Variants in ARHGAP22 observed in about 807,000 individuals in gnomAD.
ARHGAP22 encodes the protein rho GTPase-activating protein 22.
ARHGAP22 carries 48 observed loss-of-function variants against 59.1 expected under a neutral mutation model. The observed-to-expected ratio is 0.81, with a 90% confidence interval of 0.64 to 1.03. The LOEUF (loss-of-function observed/expected upper bound fraction) is 1.03. Among genes scored for constraint, ARHGAP22 ranks in the 50% least tolerant of loss-of-function variants. ARHGAP22 has a pLI of 0.00. For missense variants in ARHGAP22, 1,015 were observed against 958.7 expected, an observed-to-expected ratio of 1.06 and a Z score of -0.78; for synonymous variants, 445 against 416.4, an observed-to-expected ratio of 1.07 and a Z score of -0.84.
intron 3 of ARHGAP22, among the ~76,000 whole-genome samples, chr10:48,480,299 T>C (rs905143121): frequency 6.6e-6 from 1 of 152,172 alleles, no homozygotes; most frequent in Non-Finnish European, 1.5e-5. Context: ...CACACCCATC[T>C]CACGGCTAGA....
chr10:48,453,483 G>A (rs2046189041), intron 7 of ARHGAP22, 58 bp from the exon 8 acceptor site: 1 of 1,607,226 alleles, frequency 6.2e-7, no homozygotes, highest in Non-Finnish European at 8.5e-7. Flanking sequence ...CCAGTCTCCT[G>A]TGTGCGGCCT....
At chr10:48,585,575 C>T (rs898258731) in intron 1 of ARHGAP22, among the ~76,000 whole-genome samples, 1 of 152,202 alleles carries the variant, frequency 6.6e-6, no homozygotes, top group African/African-American at 2.4e-5. Context: ...GGGTTGTCCC[C>T]TCCAGACAGG....
intron 4 of ARHGAP22, among the ~76,000 whole-genome samples, chr10:48,478,383 A>G (rs2048943651): frequency 6.6e-6 from 1 of 152,220 alleles, no homozygotes; most frequent in Admixed American, 6.5e-5. Flanking sequence ...TCATTCAATG[A>G]AAGGTGGTCA....
At chr10:48,555,700 C>T (rs2057260505) in intron 2 of ARHGAP22, 150 bp from the exon 3 acceptor site, 1 of 685,562 alleles carries the variant, frequency 1.5e-6, no homozygotes, top group Admixed American at 2.3e-5. Context: ...CACACACCTC[C>T]TCTCCTAGGG....
In ARHGAP22 at chr10:48,446,300, G is replaced by A. The variant is rs985895168; in HGVS notation, c.*91C>T. The A allele has an allele frequency of 2.1e-6, 3 of 1,418,652 alleles. No homozygotes were observed. The highest frequency in any genetic ancestry group is 1.4e-5 in the African/African-American group (1 of 69,614). The allele number at this position is 1,418,652 out of a possible 1,614,324, so 87.9% of individuals were successfully genotyped here. A position where few individuals can be genotyped will look rare whatever the true frequency, so the allele number is the denominator to read the frequency against. On this transcript the variant is annotated 3_prime_UTR_variant, in exon 10 of 10. Coordinates refer to ENST00000249601, the MANE Select transcript of ARHGAP22 (RefSeq NM_021226.4). ...CTCTCTCTCCAGCTGGCTCCAGAGC[G>A]CCTGGCTGCTCCAGAGATACAGACG... is the stretch of plus-strand genomic sequence containing the variant.
rs182397836 is a variant in ARHGAP22, at chr10:48,599,565, G to C, written c.34+5198C>G. ...GAAATATGGGAGTTGAAGTAAAATA[G>C]CAGCCAAATCTGGGATTCCTCAACA... is the stretch of plus-strand genomic sequence containing the variant. On this transcript the variant is annotated intron_variant, in intron 1 of 9. Transcript: ENST00000249601. Among the ~76,000 whole-genome samples, 15 of 152,332 alleles carry C rather than the reference G, an allele frequency of 9.8e-5. No individual in the cohort carries two copies. In the East Asian group the frequency reaches 2.9e-3, roughly 29 times the overall value.
upstream of ARHGAP22, chr10:48,655,489 C>G (rs1565071642): frequency 6.5e-6 from 1 of 152,694 alleles, no homozygotes; most frequent in Admixed American, 6.5e-5. Context: ...CACCCCAGCC[C>G]TCGCCTTTCC....
At chr10:48,594,832 T>G (rs1240654166) in intron 1 of ARHGAP22, among the ~76,000 whole-genome samples, 1 of 152,128 alleles carries the variant, frequency 6.6e-6, no homozygotes, top group Non-Finnish European at 1.5e-5. Flanking sequence ...CCTTTCCTGT[T>G]ACATCTGAAA....
intron 1 of ARHGAP22, among the ~76,000 whole-genome samples, chr10:48,629,279 T>C (rs1300557152): frequency 6.6e-6 from 1 of 152,246 alleles, no homozygotes; most frequent in African/African-American, 2.4e-5. Flanking sequence ...TGGAGTCTAC[T>C]GAGGCTGCTG....
chr10:48,576,340 C>T (rs925930209), intron 2 of ARHGAP22, among the ~76,000 whole-genome samples: 1 of 152,254 alleles, frequency 6.6e-6, no homozygotes, highest in Non-Finnish European at 1.5e-5. Flanking sequence ...CCATTCTCCT[C>T]CTGGTCATCC....
chr10:48,568,491 G>A (rs2058190876), intron 2 of ARHGAP22, among the ~76,000 whole-genome samples: 1 of 152,234 alleles, frequency 6.6e-6, no homozygotes, highest in South Asian at 2.1e-4. Flanking sequence ...GCTGCCCACG[G>A]CATTTGGTGG....
chr10:48,655,150 C>G (rs1002986759), upstream of ARHGAP22, among the ~76,000 whole-genome samples: 1 of 72,202 alleles, frequency 1.4e-5, no homozygotes, highest in Non-Finnish European at 2.8e-5. Context: ...CAATCTCCTT[C>G]CTGTCTCAGG....
At chr10:48,455,625 A>G (rs2046416066) in intron 5 of ARHGAP22, among the ~76,000 whole-genome samples, 1 of 152,222 alleles carries the variant, frequency 6.6e-6, no homozygotes, top group Non-Finnish European at 1.5e-5. Context: ...CCTGGTGGCC[A>G]TCCCAAGGTC....
chr10:48,625,369 T>C (rs904449289), intron 1 of ARHGAP22, among the ~76,000 whole-genome samples: 3 of 152,118 alleles, frequency 2.0e-5, no homozygotes, highest in Admixed American at 6.5e-5. Flanking sequence ...CCCCCTTGTC[T>C]AGCTGAGGGG....
In ARHGAP22 at chr10:48,541,111, C is replaced by A. The variant is rs527813272; in HGVS notation, c.322+14352G>T. On this transcript the variant is annotated intron_variant, in intron 3 of 9. Transcript: ENST00000249601. ...TCCCAGGTGATGCTGATGCAGCTGGCCCATGGACCACACGTGCATAGGAAG... is the reference window on the plus strand; with the variant it reads ...TCCCAGGTGATGCTGATGCAGCTGGACCATGGACCACACGTGCATAGGAAG... Among the ~76,000 whole-genome samples, 76 of 152,198 alleles carry A rather than the reference C, an allele frequency of 5.0e-4. No individual in the cohort carries two copies. In the South Asian group the frequency reaches 0.015, roughly 31 times the overall value.
rs530012604 is a variant in ARHGAP22 at position 48,461,071 on chromosome 10, A to C, written c.452-1180T>G. 4.7e-5 allele frequency among the ~76,000 whole-genome samples: 7 copies of C among 149,906 alleles called. No individual in the cohort carries two copies. The East Asian group carries it at 9.6e-4, about 21-fold the overall frequency. On this transcript the variant is annotated intron_variant, in intron 4 of 9. Coordinates refer to ENST00000249601, the MANE Select transcript of ARHGAP22 (RefSeq NM_021226.4). ...GGAGATGGATAGTGCTGATGGTTGC[A>C]CGATAATTGAAATGAATGTAATGCT...
chr10:48,625,770 G>A (rs907571409), intron 1 of ARHGAP22, among the ~76,000 whole-genome samples: 1 of 151,026 alleles, frequency 6.6e-6, no homozygotes, highest in African/African-American at 2.4e-5. Context: ...TCTGGGTCAG[G>A]TCAAACTCAG....
rs1459969385 is a variant in ARHGAP22 at position 48,450,253 on chromosome 10, CA to C, written c.1868+7del. 1 of 1,607,688 alleles carries C rather than the reference CA, an allele frequency of 6.2e-7. No homozygotes were observed. Among genetic ancestry groups the C allele is most frequent in the East Asian group, 2.2e-5 (1 of 44,640 alleles). On this transcript the variant is annotated splice_region_variant and intron_variant, in intron 9 of 9. Coordinates refer to ENST00000249601, the MANE Select transcript of ARHGAP22 (RefSeq NM_021226.4). ...CGTCACAGGAGGCTCCACGGGGCAG[CA>C]AGTTACCTTTTCACACTCCTCTCGT...
intron 1 of ARHGAP22, among the ~76,000 whole-genome samples, chr10:48,619,973 T>C (rs944577076): frequency 6.6e-6 from 1 of 152,234 alleles, no homozygotes; most frequent in Non-Finnish European, 1.5e-5. Context: ...ATATCCATTA[T>C]ATACAAGGAA....
Sources: gnomAD v4.1 joint callset for allele counts (sites outside exome capture counted in the v4.1 genomes callset) on GRCh38, gnomAD v4.1.1 for gene constraint, MANE v1.5 for transcripts, NCBI Gene and HGNC (gene_info 2026-07-23, HGNC 2026-07-21) for gene names.